Variants in IPO7 observed in about 807,000 individuals in gnomAD.
IPO7 encodes the protein importin-7.
In IPO7, 13 loss-of-function variants were observed where a neutral mutation model predicts 136.4. That is an observed-to-expected ratio of 0.10 (90% CI 0.06 to 0.15). The LOEUF is 0.15. IPO7 is among the 10% of genes least tolerant of loss of function. The probability of loss-of-function intolerance (pLI) is 1.00; values close to 1 mark genes in which losing one functional copy is unlikely to be tolerated. For synonymous variants in IPO7, 403 were observed against 404.4 expected (o/e 1.00, Z 0.04); for missense variants, 857 against 1,240.6 (o/e 0.69, Z 4.65).
chr11:9,437,825 T>G lies in IPO7; in HGVS notation c.2340T>G (p.Thr780=). Residue 780 remains threonine (T), a synonymous_variant, in exon 21 of 25, where the codon ACT becomes ACG. Transcript: ENST00000379719. ...TREVKTSELR[T]MCLQVAIAAL... is the part of the protein sequence containing the mutation. ...AGGTTAAGACAAGTGAACTTCGAACTATGTGTCTGCAAGTTGCAATTGCAG... is the reference window on the plus strand; with the variant it reads ...AGGTTAAGACAAGTGAACTTCGAACGATGTGTCTGCAAGTTGCAATTGCAG... 1.9e-6 allele frequency: 3 copies of G among 1,614,106 alleles called. No individual in the cohort carries two copies. The highest frequency in any genetic ancestry group is 2.5e-6 in the Non-Finnish European group (3 of 1,179,964).
At chr11:9,440,709 TGTA>T (rs747708946) in intron 23 of IPO7, 48 bp downstream of exon 23, 2 of 1,371,826 alleles carry the variant, frequency 1.5e-6, no homozygotes. Flanking sequence ...ACAAATCTGT[TGTA>T]GTTTCTGCCT....
At chr11:9,436,878 T>TTC (rs1855383663) in intron 20 of IPO7, among the ~76,000 whole-genome samples, 1 of 37,454 alleles carries the variant, frequency 2.7e-5, no homozygotes, top group African/African-American at 9.9e-5. Context: ...ATTTTTTTTT[T>TTC]TTTTTTTTTT....
At chr11:9,419,725 A>C (rs1238535902) in intron 6 of IPO7, among the ~76,000 whole-genome samples, 2 of 151,500 alleles carry the variant, frequency 1.3e-5, no homozygotes, top group Non-Finnish European at 2.9e-5. Context: ...TTACCATTAC[A>C]AATAATATGA....
chr11:9,415,493 T>C (rs1855027645), intron 5 of IPO7, among the ~76,000 whole-genome samples: 1 of 152,158 alleles, frequency 6.6e-6, no homozygotes, highest in South Asian at 2.1e-4. Context: ...AGTAATGGCT[T>C]TTATTATTTC....
At chr11:9,436,250 T>G in intron 19 of IPO7, 21 bp from the exon 20 acceptor site, 2 of 1,561,154 alleles carry the variant, frequency 1.3e-6, no homozygotes, top group Non-Finnish European at 1.8e-6. Context: ...CTTACTGCAA[T>G]TTATATTCTG....
intron 4 of IPO7, among the ~76,000 whole-genome samples, chr11:9,410,546 C>G (rs1019201760): frequency 6.6e-6 from 1 of 151,790 alleles, no homozygotes; most frequent in African/African-American, 2.4e-5. Flanking sequence ...ATGTGATCTT[C>G]TTTAATCAGT....
chr11:9,390,308 T>TA (rs779131162), intron 1 of IPO7, among the ~76,000 whole-genome samples: 1 of 151,788 alleles, frequency 6.6e-6, no homozygotes, highest in Non-Finnish European at 1.5e-5. Context: ...TTTTTTTTTT[T>TA]AACTCACACT....
rs1855537968 is a variant in IPO7 at position 9,446,958 on chromosome 11, C to T, written c.*1764C>T. 2 of 152,056 alleles carry T rather than the reference C, an allele frequency of 1.3e-5. No homozygotes were observed. Among genetic ancestry groups the T allele is most frequent in the Non-Finnish European group, 2.9e-5 (2 of 68,016 alleles). The allele number at this position is 152,056 out of a possible 1,614,324, so 9.4% of individuals were successfully genotyped here. On this transcript the variant is annotated 3_prime_UTR_variant, in exon 25 of 25. Transcript: ENST00000379719. ...GTGTTTCTACTCCCCCCCGAAAATC[C>T]CCTGAAAGTTGGACACCAACTGTAT...
Position 9,428,580 on chromosome 11 carries a change from A to C in IPO7, c.1376A>C (p.Asn459Thr), listed in dbSNP as rs1447113242. ...GATCAGATGGAATACATGTTGCAGAATCATGTATTCCCTCTCTTCAGCAGT... is the reference window on the plus strand; with the variant it reads ...GATCAGATGGAATACATGTTGCAGACTCATGTATTCCCTCTCTTCAGCAGT... The part of the protein sequence containing the change: ...YKDQMEYMLQ[N>T]HVFPLFSSEL... The change falls in exon 13 of 25, where the codon AAT becomes ACT. Residue 459 changes from asparagine to threonine, a missense_variant. Transcript: ENST00000379719. 6.3e-7 allele frequency: 1 copy of C among 1,577,176 alleles called. No individual in the cohort carries two copies. The highest frequency in any genetic ancestry group is 8.7e-7 in the Non-Finnish European group (1 of 1,151,258).
At chr11:9,391,960 T>TTGCCCAGC (rs1854639660) in intron 1 of IPO7, among the ~76,000 whole-genome samples, 1 of 151,696 alleles carries the variant, frequency 6.6e-6, no homozygotes, top group East Asian at 1.9e-4. Flanking sequence ...AGAGACGAGG[T>TTGCCCAGC]CTGTCTTTGT....
intron 20 of IPO7, among the ~76,000 whole-genome samples, chr11:9,437,268 A>T (rs1402713670): frequency 1.3e-5 from 2 of 148,458 alleles, no homozygotes; most frequent in African/African-American, 5.0e-5. Flanking sequence ...TATTTCATAT[A>T]TTTTTTTGAG....
At chr11:9,406,788 C>T (rs1485625428) in intron 2 of IPO7, among the ~76,000 whole-genome samples, 3 of 151,980 alleles carry the variant, frequency 2.0e-5, no homozygotes, top group Non-Finnish European at 2.9e-5. Flanking sequence ...GCAGGAGAAT[C>T]GCTTGAGCCT....
chr11:9,420,767 C>T (rs1855115755), intron 8 of IPO7, 69 bp downstream of exon 8: 2 of 1,082,802 alleles, frequency 1.8e-6, no homozygotes, highest in Admixed American at 1.8e-5. Context: ...ATTGCTTATT[C>T]CCAGTTTCTT....
intron 24 of IPO7, among the ~76,000 whole-genome samples, chr11:9,442,756 C>T (rs1855476259): frequency 6.7e-6 from 1 of 149,266 alleles, no homozygotes; most frequent in African/African-American, 2.5e-5. Flanking sequence ...GGTGTGGTGG[C>T]TCATGCCTGT....
At chr11:9,431,465 A>ATT (rs5789607) in intron 16 of IPO7, among the ~76,000 whole-genome samples, 66 of 145,762 alleles carry the variant, frequency 4.5e-4, no homozygotes, top group East Asian at 1.2e-3. Flanking sequence ...GTAATAATGG[A>ATT]TTTTTTTTTT....
intron 1 of IPO7, among the ~76,000 whole-genome samples, chr11:9,391,017 G>T (rs954987025): frequency 6.6e-6 from 1 of 152,106 alleles, no homozygotes; most frequent in Non-Finnish European, 1.5e-5. Context: ...TGATCCACCC[G>T]CCTCTGCCTC....
intron 1 of IPO7, among the ~76,000 whole-genome samples, chr11:9,395,158 A>C (rs571012274): frequency 6.6e-6 from 1 of 152,234 alleles, no homozygotes; most frequent in Non-Finnish European, 1.5e-5. Flanking sequence ...GTTGACAATA[A>C]TACCATAATT....
intron 4 of IPO7, among the ~76,000 whole-genome samples, chr11:9,413,524 ATTAC>A (rs1241430887): frequency 2.0e-5 from 3 of 152,110 alleles, no homozygotes; most frequent in East Asian, 3.8e-4. Flanking sequence ...ATAATTTATT[ATTAC>A]TTTCCTCATT....
chr11:9,430,310 T>G (rs1855275510), intron 15 of IPO7: 1 of 154,702 alleles, frequency 6.5e-6, no homozygotes, highest in Admixed American at 6.4e-5. Context: ...TGTGTCAGAA[T>G]TATTCCTGTT....
Sources: allele counts gnomAD v4.1 joint callset (sites outside exome capture counted in the v4.1 genomes callset), GRCh38; gene constraint gnomAD v4.1.1; transcripts MANE v1.5; gene names NCBI Gene and HGNC (gene_info 2026-07-23, HGNC 2026-07-21).